CENPP: variants seen among roughly 807,000 people sequenced by gnomAD.
The protein encoded by CENPP is centromere protein P.
In CENPP, 24 loss-of-function variants were observed where a neutral mutation model predicts 35.6. That is an observed-to-expected ratio of 0.67 (90% CI 0.49 to 0.95). The LOEUF (loss-of-function observed/expected upper bound fraction) is 0.95, where lower values mean the gene tolerates loss of function less well. Ranked by LOEUF, CENPP falls within the 40% of genes least tolerant of loss-of-function variation. The pLI, the probability that CENPP is intolerant of heterozygous loss-of-function variation, is 0.00. For synonymous variants in CENPP, 120 were observed against 125.5 expected, an observed-to-expected ratio of 0.96 and a Z score of 0.29; for missense variants, 332 against 345.3, an observed-to-expected ratio of 0.96 and a Z score of 0.31.
At chr9:92,469,161 G>A (rs966612495) in intron 5 of CENPP, among the ~76,000 whole-genome samples, 2 of 152,124 alleles carry the variant, frequency 1.3e-5, no homozygotes, top group East Asian at 1.9e-4. Context: ...GTGGATCCTC[G>A]GTGGAATCCA....
chr9:92,375,925 C>G (rs965884817), intron 4 of CENPP, among the ~76,000 whole-genome samples: 2 of 148,720 alleles, frequency 1.3e-5, no homozygotes, highest in African/African-American at 5.0e-5. Context: ...TTGTTATTGT[C>G]ATTAAATACT....
chr9:92,462,179 T>G (rs200320910), intron 5 of CENPP, among the ~76,000 whole-genome samples: 3 of 152,160 alleles, frequency 2.0e-5, no homozygotes, highest in East Asian at 3.9e-4. Flanking sequence ...GGTTTTACCA[T>G]ATTGGCCAGA....
intron 2 of CENPP, among the ~76,000 whole-genome samples, chr9:92,333,854 C>T (rs1430783020): frequency 6.6e-6 from 1 of 152,006 alleles, no homozygotes; most frequent in Non-Finnish European, 1.5e-5. Context: ...GACACAGTTT[C>T]TGTGGTGTGT....
At chr9:92,349,842 C>T (rs1325782148) in intron 4 of CENPP, among the ~76,000 whole-genome samples, 1 of 152,184 alleles carries the variant, frequency 6.6e-6, no homozygotes, top group African/African-American at 2.4e-5. Context: ...ATTACACACA[C>T]AAACATACAT....
intron 5 of CENPP, among the ~76,000 whole-genome samples, chr9:92,589,621 CCTT>C (rs781147274): frequency 2.2e-4 from 34 of 152,170 alleles, no homozygotes; most frequent in Admixed American, 3.9e-4. Context: ...TGAAGTTCCA[CCTT>C]CTTTACATTT....
intron 5 of CENPP, among the ~76,000 whole-genome samples, chr9:92,475,620 C>G (rs752631280): frequency 6.6e-6 from 1 of 152,192 alleles, no homozygotes; most frequent in African/African-American, 2.4e-5. Flanking sequence ...TTCAGTGTCC[C>G]TGAAGGAGGA....
intron 5 of CENPP, among the ~76,000 whole-genome samples, chr9:92,571,701 T>A (rs983673156): frequency 2.0e-5 from 3 of 152,154 alleles, no homozygotes; most frequent in East Asian, 1.9e-4. Flanking sequence ...CCCATTATTA[T>A]TCTGTGGGAG....
chr9:92,552,947 C>CT (rs905469640), intron 5 of CENPP, among the ~76,000 whole-genome samples: 3 of 151,470 alleles, frequency 2.0e-5, no homozygotes, highest in Non-Finnish European at 2.9e-5. Flanking sequence ...ATTTTTTCCT[C>CT]TTTTTTTTCT....
rs199972367 is a variant in CENPP at position 92,512,030 on chromosome 9, A to G, written c.565-99284A>G. On this transcript the variant is annotated intron_variant, in intron 5 of 7. Transcript: ENST00000375587. ...ATTTACCTTGAATGCTTTTGGACCT[A>G]TGCCTGAAGAAGTGATATTATTTTT... is the stretch of plus-strand genomic sequence containing the variant. The G allele has an allele frequency of 1.1e-5, 17 of 1,612,726 alleles. No individual in the cohort carries two copies. The highest frequency in any genetic ancestry group is 1.4e-5 in the Non-Finnish European group (16 of 1,179,248).
At chr9:92,415,335 A>G (rs1843559056) in intron 5 of CENPP, 4 of 1,613,550 alleles carry the variant, frequency 2.5e-6, no homozygotes, top group Non-Finnish European at 2.5e-6. Context: ...GTTCACCATA[A>G]TAAATAGTGT....
At chr9:92,386,225 T>G (rs1342386738) in intron 5 of CENPP, 1 of 1,611,816 alleles carries the variant, frequency 6.2e-7, no homozygotes, top group African/African-American at 1.3e-5. Context: ...CACGTAGACT[T>G]TCTGGTAAAT....
chr9:92,385,636 A>G, intron 5 of CENPP: 1 of 1,614,096 alleles, frequency 6.2e-7, no homozygotes, highest in African/African-American at 1.3e-5. Context: ...GTATGACCCT[A>G]TCGGTAATCT....
intron 5 of CENPP, among the ~76,000 whole-genome samples, chr9:92,551,360 T>G (rs937489876): frequency 6.6e-6 from 1 of 152,018 alleles, no homozygotes; most frequent in African/African-American, 2.4e-5. Context: ...TTTTTTGAGA[T>G]AGGGTCTTGC....
chr9:92,583,493 A>C (rs963555311), intron 5 of CENPP, among the ~76,000 whole-genome samples: 4 of 152,236 alleles, frequency 2.6e-5, no homozygotes, highest in African/African-American at 9.6e-5. Flanking sequence ...AAATGCTTAC[A>C]GGAATCTTGT....
At chr9:92,457,451 A>G (rs1322304780) in intron 5 of CENPP, 1 of 1,612,706 alleles carries the variant, frequency 6.2e-7, no homozygotes, top group Non-Finnish European at 8.5e-7. Flanking sequence ...ATTTACTCCC[A>G]CTCTTGCAAT....
chr9:92,599,963 T>G (rs1364499773), intron 5 of CENPP, among the ~76,000 whole-genome samples: 1 of 152,210 alleles, frequency 6.6e-6, no homozygotes, highest in Admixed American at 6.5e-5. Context: ...CCACCTCCCC[T>G]GGTCTTTCCT....
intron 5 of CENPP, among the ~76,000 whole-genome samples, chr9:92,604,765 T>C (rs1851026109): frequency 6.6e-6 from 1 of 151,906 alleles, no homozygotes; most frequent in Non-Finnish European, 1.5e-5. Flanking sequence ...CAGCTAATTT[T>C]TGTATTATTA....
chr9:92,600,292 T>A, intron 5 of CENPP: 1 of 1,468,546 alleles, frequency 6.8e-7, no homozygotes, highest in Middle Eastern at 2.0e-4. Flanking sequence ...TTCCTGTCCA[T>A]ACAGGCCCAT....
intron 5 of CENPP, among the ~76,000 whole-genome samples, chr9:92,546,507 C>T (rs1332009892): frequency 1.3e-5 from 2 of 151,984 alleles, no homozygotes; most frequent in Admixed American, 6.6e-5. Flanking sequence ...AGAACAACTC[C>T]AGACGCACCG....
Sources: gnomAD v4.1 joint callset for allele counts (sites outside exome capture counted in the v4.1 genomes callset) on GRCh38, gnomAD v4.1.1 for gene constraint, MANE v1.5 for transcripts, NCBI Gene and HGNC (gene_info 2026-07-23, HGNC 2026-07-21) for gene names.